LIN52: variants seen among roughly 807,000 people sequenced by gnomAD.
The protein encoded by LIN52 is protein lin-52 homolog.
LIN52 carries 4 observed loss-of-function variants against 18.5 expected under a neutral mutation model. The observed-to-expected ratio is 0.22, with a 90% confidence interval of 0.11 to 0.49. LIN52 has a LOEUF of 0.49. LIN52 is among the 20% of genes least tolerant of loss of function. The pLI is 0.97. For missense variants in LIN52, 102 were observed against 139.5 expected (o/e 0.73, Z 1.35); for synonymous variants, 34 against 45.5 (o/e 0.75, Z 1.02).
chr14:74,175,748 A>ACACACACCCC (rs796441764), intron 5 of LIN52, among the ~76,000 whole-genome samples: 1 of 98,738 alleles, frequency 1.0e-5, no homozygotes, highest in African/African-American at 3.5e-5. Flanking sequence ...ACACACACAC[A>ACACACACCCC]CACCCCCATT....
chr14:74,188,897 G>T (rs2061351445), intron 5 of LIN52, among the ~76,000 whole-genome samples: 1 of 152,156 alleles, frequency 6.6e-6, no homozygotes, highest in Non-Finnish European at 1.5e-5. Flanking sequence ...TCAGTGTGAA[G>T]ATGTAACCCT....
intron 1 of LIN52, among the ~76,000 whole-genome samples, chr14:74,090,410 A>G (rs1044231508): frequency 6.6e-6 from 1 of 151,960 alleles, no homozygotes; most frequent in Non-Finnish European, 1.5e-5. Context: ...ATCTTGGCTC[A>G]CTGTAACCTC....
chr14:74,101,583 C>T (rs1478381024), intron 5 of LIN52, among the ~76,000 whole-genome samples: 1 of 150,970 alleles, frequency 6.6e-6, no homozygotes, highest in South Asian at 2.1e-4. Context: ...CTCAGCCTCC[C>T]AAGTAGCTGG....
chr14:74,114,305 A>G, intron 5 of LIN52: 1 of 985,210 alleles, frequency 1.0e-6, no homozygotes, highest in African/African-American at 1.7e-5. Flanking sequence ...TTGAATAGGA[A>G]AGATACACAC....
At chr14:74,120,584 G>A (rs942784914) in intron 5 of LIN52, among the ~76,000 whole-genome samples, 1 of 151,934 alleles carries the variant, frequency 6.6e-6, no homozygotes, top group African/African-American at 2.4e-5. Flanking sequence ...GTGAAACCCC[G>A]TCTCTACTAA....
intron 5 of LIN52, among the ~76,000 whole-genome samples, chr14:74,102,222 G>A (rs187699180): frequency 2.8e-4 from 42 of 152,194 alleles, no homozygotes; most frequent in Non-Finnish European, 3.7e-4. Flanking sequence ...CAGCCTGGGC[G>A]ACAGAGTAAG....
At chr14:74,187,455 A>G (rs988503987) in intron 5 of LIN52, among the ~76,000 whole-genome samples, 4 of 152,192 alleles carry the variant, frequency 2.6e-5, no homozygotes, top group Non-Finnish European at 5.9e-5. Context: ...TTCAAAATAT[A>G]TATGCTTGCT....
At chr14:74,110,702 C>A (rs1184510901) in intron 5 of LIN52, among the ~76,000 whole-genome samples, 4 of 149,564 alleles carry the variant, frequency 2.7e-5, no homozygotes, top group African/African-American at 9.9e-5. Flanking sequence ...TGGTGCCTCA[C>A]GCCTGCAATC....
chr14:74,153,630 C>A (rs568139188), intron 5 of LIN52, among the ~76,000 whole-genome samples: 22 of 151,748 alleles, frequency 1.4e-4, no homozygotes, highest in African/African-American at 4.6e-4. Flanking sequence ...CTGCAACCTA[C>A]ACCCCTCAGG....
At chr14:74,093,732 G>A (rs1026365032) in intron 2 of LIN52, among the ~76,000 whole-genome samples, 4 of 152,198 alleles carry the variant, frequency 2.6e-5, no homozygotes, top group Non-Finnish European at 5.9e-5. Flanking sequence ...TTGAGAGGCC[G>A]AGGTGGGCGG....
chr14:74,179,652 T>G (rs1179888261), intron 5 of LIN52, among the ~76,000 whole-genome samples: 1 of 99,254 alleles, frequency 1.0e-5, no homozygotes, highest in Non-Finnish European at 2.1e-5. Flanking sequence ...TGAGACTCCA[T>G]CTCAAAAAAA....
At chr14:74,140,757 G>A (rs1213459526) in intron 5 of LIN52, among the ~76,000 whole-genome samples, 1 of 152,192 alleles carries the variant, frequency 6.6e-6, no homozygotes, top group African/African-American at 2.4e-5. Context: ...ATCACAAGCT[G>A]CCTTCCTTAG....
intron 1 of LIN52, chr14:74,085,351 G>T (rs2060719241): frequency 4.8e-6 from 1 of 208,876 alleles, no homozygotes; most frequent in Non-Finnish European, 9.5e-6. Context: ...TTTTTTCCTT[G>T]GGGTACCCAT....
chr14:74,121,612 A>G (rs1008464438), intron 5 of LIN52, among the ~76,000 whole-genome samples: 1 of 152,254 alleles, frequency 6.6e-6, no homozygotes, highest in South Asian at 2.1e-4. Context: ...AAATTTTCAA[A>G]TAATGATGGT....
At chr14:74,172,150 A>G (rs571246075) in intron 5 of LIN52, among the ~76,000 whole-genome samples, 5 of 152,300 alleles carry the variant, frequency 3.3e-5, no homozygotes, top group Admixed American at 2.0e-4. Context: ...CCATTTCCCT[A>G]GCTTTTCTGT....
At chr14:74,165,275 A>G (rs2061243531) in intron 5 of LIN52, among the ~76,000 whole-genome samples, 1 of 152,156 alleles carries the variant, frequency 6.6e-6, no homozygotes, top group African/African-American at 2.4e-5. Context: ...GAAGGGGGAA[A>G]AAAAGAGTCA....
intron 1 of LIN52, among the ~76,000 whole-genome samples, chr14:74,087,302 G>C (rs1029799637): frequency 8.6e-5 from 13 of 150,844 alleles, no homozygotes; most frequent in African/African-American, 2.9e-4. Flanking sequence ...TGTAGTCCCA[G>C]CTACTCAGGA....
At chr14:74,170,450 A>G (rs1419950026) in intron 5 of LIN52, among the ~76,000 whole-genome samples, 3 of 152,064 alleles carry the variant, frequency 2.0e-5, no homozygotes, top group African/African-American at 4.8e-5. Context: ...GAACTATTAA[A>G]TTATTTGATT....
intron 5 of LIN52, among the ~76,000 whole-genome samples, chr14:74,186,854 G>A (rs2061342864): frequency 6.6e-6 from 1 of 152,170 alleles, no homozygotes; most frequent in Admixed American, 6.5e-5. Flanking sequence ...CAAGGCTGTT[G>A]CATCACTGGA....
Sources: allele counts gnomAD v4.1 joint callset (sites outside exome capture counted in the v4.1 genomes callset), GRCh38; gene constraint gnomAD v4.1.1; transcripts MANE v1.5; gene names NCBI Gene and HGNC (gene_info 2026-07-23, HGNC 2026-07-21).